Variants in MEI4 observed in about 807,000 individuals in gnomAD.
The protein encoded by MEI4 is meiosis-specific protein MEI4.
Under a neutral mutation model 31.4 loss-of-function variants are expected in MEI4, and 27 were observed. The observed-to-expected ratio is 0.86, with a 90% confidence interval of 0.63 to 1.19. The LOEUF (loss-of-function observed/expected upper bound fraction) is 1.19, where lower values mean the gene tolerates loss of function less well. Among genes scored for constraint, MEI4 ranks in the 50% most tolerant of loss-of-function variants. The pLI is 0.00. For missense variants in MEI4, 329 were observed against 398.9 expected (o/e 0.82, Z 1.49); for synonymous variants, 122 against 145.4 (o/e 0.84, Z 1.16).
intron 4 of MEI4, among the ~76,000 whole-genome samples, chr6:77,903,152 CT>C (rs1324286989): frequency 6.6e-6 from 1 of 151,438 alleles, no homozygotes; most frequent in Non-Finnish European, 1.5e-5. Flanking sequence ...TTTTTTCTTT[CT>C]TTTTTTTCTT....
At chr6:77,708,006 C>A (rs945535658) in intron 2 of MEI4, among the ~76,000 whole-genome samples, 4 of 152,216 alleles carry the variant, frequency 2.6e-5, no homozygotes, top group Admixed American at 1.3e-4. Context: ...TCTACTAGGG[C>A]AGCATTGAAG....
At chr6:77,739,869 C>G (rs1335418996) in intron 2 of MEI4, among the ~76,000 whole-genome samples, 1 of 152,082 alleles carries the variant, frequency 6.6e-6, no homozygotes, top group Non-Finnish European at 1.5e-5. Flanking sequence ...TCTTGGTTCT[C>G]TAATTCTGTT....
In MEI4 at chr6:77,712,991, G is replaced by A. The variant is rs182507730; in HGVS notation, c.232+22088G>A. ...ATCTCAAAAAAAAAAAAAAGAAGAA[G>A]CATTATTGATGGAGCATTAGGGTTG... On this transcript the variant is annotated intron_variant, in intron 2 of 4. Coordinates refer to ENST00000684080, the MANE Select transcript of MEI4 (RefSeq NM_001322247.2). Among the ~76,000 whole-genome samples the A allele has an allele frequency of 2.5e-3, 382 of 151,708 alleles. 2 individuals are homozygous for A. Among genetic ancestry groups the A allele is most frequent in the African/African-American group, 8.5e-3 (353 of 41,374 alleles).
intron 4 of MEI4, among the ~76,000 whole-genome samples, chr6:77,870,641 T>A (rs1489130294): frequency 6.6e-6 from 1 of 152,196 alleles, no homozygotes; most frequent in Non-Finnish European, 1.5e-5. Context: ...TATAATTACA[T>A]GCCATTCAAA....
At chr6:77,885,630 C>CT (rs1360124063) in intron 4 of MEI4, among the ~76,000 whole-genome samples, 1 of 151,682 alleles carries the variant, frequency 6.6e-6, no homozygotes, top group Admixed American at 6.6e-5. Context: ...GATAATTTAA[C>CT]TTTCTCTCTT....
intron 3 of MEI4, among the ~76,000 whole-genome samples, chr6:77,787,186 A>C (rs569011568): frequency 6.6e-6 from 1 of 152,310 alleles, no homozygotes. Context: ...CAGTTCCTGT[A>C]AGCCATGTTC....
intron 3 of MEI4, among the ~76,000 whole-genome samples, chr6:77,801,095 G>A (rs1305968024): frequency 3.3e-5 from 5 of 152,194 alleles, no homozygotes; most frequent in Admixed American, 1.3e-4. Context: ...ACCTCTGGTA[G>A]AATTCGGCTG....
Position 77,854,444 on chromosome 6 carries a change from G to C in MEI4, c.900+25382G>C, listed in dbSNP as rs567967165. ...ATTATAGATGCCTTTTTTTTTTTTTGCTAATCCAGATTATCTAAATTTCCA... is the reference window on the plus strand; with the variant it reads ...ATTATAGATGCCTTTTTTTTTTTTTCCTAATCCAGATTATCTAAATTTCCA... On this transcript the variant is annotated intron_variant, in intron 4 of 4. Transcript: ENST00000684080. Among the ~76,000 whole-genome samples, 670 of 125,682 alleles carry C rather than the reference G, an allele frequency of 5.3e-3. 3 individuals carry two copies. Among genetic ancestry groups the C allele is most frequent in the African/African-American group, 0.019 (647 of 33,414 alleles). The allele number at this position is 125,682 out of a possible 152,430, so 82.5% of individuals were successfully genotyped here. A position where few individuals can be genotyped will look rare whatever the true frequency, so the allele number is the denominator to read the frequency against.
At chr6:77,731,700 GC>G in intron 2 of MEI4, among the ~76,000 whole-genome samples, 1 of 151,290 alleles carries the variant, frequency 6.6e-6, no homozygotes, top group Middle Eastern at 3.4e-3. Flanking sequence ...TGAAGTCCTT[GC>G]CCATGCCTAT....
chr6:77,714,353 C>T (rs1766533723), intron 2 of MEI4, among the ~76,000 whole-genome samples: 1 of 152,076 alleles, frequency 6.6e-6, no homozygotes. Context: ...TTCTTTATAA[C>T]ATGAATGTCT....
intron 4 of MEI4, among the ~76,000 whole-genome samples, chr6:77,836,268 G>C (rs372302475): frequency 2.0e-5 from 3 of 151,958 alleles, no homozygotes; most frequent in South Asian, 2.1e-4. Flanking sequence ...ATGTTTCTGC[G>C]TACAGTAGCC....
chr6:77,749,800 C>T (rs1392819491), intron 2 of MEI4, among the ~76,000 whole-genome samples: 1 of 152,058 alleles, frequency 6.6e-6, no homozygotes, highest in East Asian at 1.9e-4. Flanking sequence ...GAAGAGCAAC[C>T]CCAAGACACA....
rs548698664 is a variant in MEI4 at position 77,709,909 on chromosome 6, TCTC to T, written c.232+19009_232+19011del. On this transcript the variant is annotated intron_variant, in intron 2 of 4. Coordinates refer to ENST00000684080, the MANE Select transcript of MEI4 (RefSeq NM_001322247.2). Reference sequence around the variant, plus strand: ...TTATTCTGTGAACCACAATGCATCTTCTCCTATTTGTCTTCCGAGCAGAAATCA... The same window carrying T: ...TTATTCTGTGAACCACAATGCATCTTCTATTTGTCTTCCGAGCAGAAATCA... 1.5e-3 allele frequency among the ~76,000 whole-genome samples: 221 copies of T among 152,298 alleles called. 1 individual carries two copies. Among genetic ancestry groups the T allele is most frequent in the African/African-American group, 4.5e-3 (186 of 41,568 alleles).
At chr6:77,809,983 AATATC>A (rs1430074892) in intron 3 of MEI4, among the ~76,000 whole-genome samples, 1 of 152,296 alleles carries the variant, frequency 6.6e-6, no homozygotes, top group East Asian at 1.9e-4. Context: ...ATAATTTTCT[AATATC>A]ATGTGCAGTT....
chr6:77,750,538 G>C lies in MEI4; in HGVS notation c.233-10592G>C, dbSNP rs549265631. Among the ~76,000 whole-genome samples, 11 of 152,200 alleles carry C rather than the reference G, an allele frequency of 7.2e-5. No individual in the cohort carries two copies. The East Asian group carries it at 1.9e-3, about 27-fold the overall frequency. On this transcript the variant is annotated intron_variant, in intron 2 of 4. Coordinates refer to ENST00000684080, the MANE Select transcript of MEI4 (RefSeq NM_001322247.2). ...GAGACAAAGAAGGCCATTACATAAT[G>C]GTAAAGGGATCAATACAACAAGAAG...
chr6:77,678,777 G>T (rs1158693417), intron 1 of MEI4, among the ~76,000 whole-genome samples: 1 of 152,078 alleles, frequency 6.6e-6, no homozygotes, highest in Non-Finnish European at 1.5e-5. Context: ...GACACAATCT[G>T]CAAGAAGGCG....
At chr6:77,865,284 A>C (rs1770992427) in intron 4 of MEI4, among the ~76,000 whole-genome samples, 1 of 152,212 alleles carries the variant, frequency 6.6e-6, no homozygotes, top group African/African-American at 2.4e-5. Flanking sequence ...AAAATCAATG[A>C]ATCCAGGAGC....
intron 2 of MEI4, among the ~76,000 whole-genome samples, chr6:77,755,674 C>T (rs1767897117): frequency 6.6e-6 from 1 of 151,992 alleles, no homozygotes; most frequent in Non-Finnish European, 1.5e-5. Flanking sequence ...ACCTCGGACT[C>T]CCATGTGCTG....
At chr6:77,661,349 AG>A (rs1477431641) in intron 1 of MEI4, among the ~76,000 whole-genome samples, 1 of 152,096 alleles carries the variant, frequency 6.6e-6, no homozygotes, top group Admixed American at 6.5e-5. Flanking sequence ...AGAGGTGGGA[AG>A]GCCAAACCGA....
Sources: gnomAD v4.1 joint callset for allele counts (sites outside exome capture counted in the v4.1 genomes callset) on GRCh38, gnomAD v4.1.1 for gene constraint, MANE v1.5 for transcripts, NCBI Gene and HGNC (gene_info 2026-07-23, HGNC 2026-07-21) for gene names.